COG5: variants seen among roughly 807,000 people sequenced by gnomAD.
COG5 encodes the protein conserved oligomeric Golgi complex subunit 5.
COG5 carries 86 observed loss-of-function variants against 110.4 expected under a neutral mutation model. The ratio of observed to expected loss-of-function variants is 0.78; its 90% CI spans 0.65 to 0.93. The LOEUF is 0.93. Ranked by LOEUF, COG5 falls within the 40% of genes least tolerant of loss-of-function variation. The pLI, the probability that COG5 is intolerant of heterozygous loss-of-function variation, is 0.00. For synonymous variants in COG5, 360 were observed against 334.6 expected (o/e 1.08, Z -0.83); for missense variants, 1,077 against 987.0 (o/e 1.09, Z -1.22).
chr7:107,354,624 C>T lies in COG5; in HGVS notation c.1026+7409G>A, dbSNP rs186730055. The stretch of plus-strand genomic sequence containing the variant: ...CTAGGAGGCGGAGGTTGCAGTGAGC[C>T]GAGACCACGCCACTGCACTCTAGGC... On this transcript the variant is annotated intron_variant, in intron 10 of 21. Transcript: ENST00000297135. Among the ~76,000 whole-genome samples the T allele has an allele frequency of 3.0e-4, 45 of 152,176 alleles. No homozygotes were observed. In the East Asian group the frequency reaches 4.1e-3, roughly 14 times the overall value.
intron 21 of COG5, among the ~76,000 whole-genome samples, chr7:107,207,639 C>G (rs146814141): frequency 5.3e-5 from 8 of 152,366 alleles, no homozygotes; most frequent in Non-Finnish European, 1.2e-4. Context: ...CACTTACCCA[C>G]AGGCACGAGC....
In COG5 at chr7:107,554,142, T is replaced by C. The variant is rs1803123660; in HGVS notation, c.292+143A>G. Reference sequence around the variant, plus strand: ...TTTCATATTATCTGCCTACTTTCACTCTACAATGGCAGAGTTTAGTAGTTG... The same window carrying C: ...TTTCATATTATCTGCCTACTTTCACCCTACAATGGCAGAGTTTAGTAGTTG... On this transcript the variant is annotated intron_variant, in intron 3 of 21. Coordinates refer to ENST00000297135, the MANE Select transcript of COG5 (RefSeq NM_006348.5). 11 of 712,410 alleles carry C rather than the reference T, an allele frequency of 1.5e-5. No homozygotes were observed. In the South Asian group the frequency reaches 1.7e-4, roughly 11 times the overall value. 44.1% of individuals were successfully genotyped at this position (712,410 alleles called of 1,614,324 possible).
chr7:107,501,173 G>C (rs2129136213), intron 6 of COG5, among the ~76,000 whole-genome samples: 1 of 152,104 alleles, frequency 6.6e-6, no homozygotes. Context: ...AATAGAATAA[G>C]CCTGTAGTTC....
intron 6 of COG5, among the ~76,000 whole-genome samples, chr7:107,486,129 C>CA (rs909356201): frequency 5.4e-5 from 8 of 149,486 alleles, no homozygotes; most frequent in South Asian, 2.1e-4. Flanking sequence ...TTTGCCAGGC[C>CA]AAAAAAAAAT....
intron 6 of COG5, among the ~76,000 whole-genome samples, chr7:107,482,878 C>G (rs1293345828): frequency 6.6e-6 from 1 of 152,144 alleles, no homozygotes; most frequent in Admixed American, 6.6e-5. Context: ...TCATAAAATT[C>G]TTACTCAAAC....
intron 12 of COG5, among the ~76,000 whole-genome samples, chr7:107,288,907 G>GATAGATATATATATATATATATAT (rs1805887639): frequency 1.1e-5 from 1 of 94,152 alleles, no homozygotes; most frequent in Admixed American, 1.3e-4. Context: ...TTCTAACAGA[G>GATAGATATATATATATATATATAT]ATATATATAT....
chr7:107,482,650 G>A (rs1323254026), intron 6 of COG5, among the ~76,000 whole-genome samples: 1 of 151,764 alleles, frequency 6.6e-6, no homozygotes, highest in Non-Finnish European at 1.5e-5. Flanking sequence ...TTAAATTTTA[G>A]TTGGATTATA....
rs996542471 is a variant in COG5, at chr7:107,207,942, C to T, written c.2375+2584G>A. 1.0e-5 allele frequency: 10 copies of T among 985,290 alleles called. No individual in the cohort carries two copies. In the African/African-American group the frequency reaches 1.7e-4, roughly 17 times the overall value. 61.0% of individuals were successfully genotyped at this position (985,290 alleles called of 1,614,324 possible). ...ACCTAACATATTATGCTGGGAGGAA[C>T]AGAATGAGTATACAACAAGGTTTGC... On this transcript the variant is annotated intron_variant, in intron 21 of 21. Coordinates refer to ENST00000297135, the MANE Select transcript of COG5 (RefSeq NM_006348.5).
chr7:107,350,943 T>C (rs1382963357), intron 10 of COG5, among the ~76,000 whole-genome samples: 1 of 152,178 alleles, frequency 6.6e-6, no homozygotes, highest in South Asian at 2.1e-4. Flanking sequence ...TGTATCTATA[T>C]ATGCATGGAT....
At chr7:107,372,103 T>C (rs1356877647) in intron 8 of COG5, among the ~76,000 whole-genome samples, 2 of 152,188 alleles carry the variant, frequency 1.3e-5, no homozygotes, top group Non-Finnish European at 2.9e-5. Context: ...CTTTAATAGT[T>C]TTCTTTAGAC....
At chr7:107,517,155 G>A (rs1799978872) in intron 6 of COG5, among the ~76,000 whole-genome samples, 1 of 152,082 alleles carries the variant, frequency 6.6e-6, no homozygotes, top group Admixed American at 6.5e-5. Context: ...GTTTAGAGGG[G>A]AACATTAATG....
intron 11 of COG5, among the ~76,000 whole-genome samples, chr7:107,321,157 T>C (rs1042873954): frequency 2.0e-5 from 3 of 152,212 alleles, no homozygotes; most frequent in Non-Finnish European, 4.4e-5. Context: ...CAAGTATCAA[T>C]TGTATTTCTC....
intron 19 of COG5, among the ~76,000 whole-genome samples, chr7:107,217,245 A>G (rs1345011394): frequency 7.2e-5 from 11 of 152,160 alleles, no homozygotes; most frequent in Admixed American, 7.2e-4. Context: ...GATTGGATCC[A>G]TAATAAAAAG....
At chr7:107,208,519 T>C (rs1188509157) in intron 21 of COG5, 1 of 985,402 alleles carries the variant, frequency 1.0e-6, no homozygotes. Flanking sequence ...CGACTGAGTG[T>C]GTTGCAGCTG....
intron 5 of COG5, among the ~76,000 whole-genome samples, chr7:107,531,314 T>A (rs963711874): frequency 6.6e-6 from 1 of 152,188 alleles, no homozygotes; most frequent in African/African-American, 2.4e-5. Context: ...TTTGGCAAGA[T>A]TAAACATTAG....
At chr7:107,309,772 T>G (rs1808056083) in intron 11 of COG5, among the ~76,000 whole-genome samples, 1 of 152,226 alleles carries the variant, frequency 6.6e-6, no homozygotes, top group African/African-American at 2.4e-5. Flanking sequence ...CATTTTCATT[T>G]TGTTTTATAA....
At chr7:107,448,956 A>AT (rs1432451144) in intron 6 of COG5, among the ~76,000 whole-genome samples, 1 of 152,208 alleles carries the variant, frequency 6.6e-6, no homozygotes, top group Non-Finnish European at 1.5e-5. Context: ...AAAAATTAAA[A>AT]TTTATCAAAA....
At chr7:107,465,686 T>C (rs554168882) in intron 6 of COG5, among the ~76,000 whole-genome samples, 112 of 152,324 alleles carry the variant, frequency 7.4e-4, no homozygotes, top group African/African-American at 2.6e-3. Context: ...TTAAGAATTA[T>C]TAATTAAACT....
intron 5 of COG5, among the ~76,000 whole-genome samples, chr7:107,530,601 CAA>C (rs953588412): frequency 2.1e-4 from 10 of 47,760 alleles, no homozygotes; most frequent in South Asian, 9.8e-4. Flanking sequence ...AACTCCATCT[CAA>C]AAAAAAAAAA....
Sources: allele counts gnomAD v4.1 joint callset (sites outside exome capture counted in the v4.1 genomes callset), GRCh38; gene constraint gnomAD v4.1.1; transcripts MANE v1.5; gene names NCBI Gene and HGNC (gene_info 2026-07-23, HGNC 2026-07-21).